The following RYR3 variants were observed in gnomAD, a reference collection of about 807,000 sequenced individuals.
RYR3 encodes the protein ryanodine receptor 3.
In RYR3, 207 loss-of-function variants were observed where a neutral mutation model predicts 584.3. The observed-to-expected ratio is 0.35, with a 90% CI of 0.32 to 0.40. The LOEUF is 0.40. Ranked by LOEUF, RYR3 falls within the 10% of genes least tolerant of loss-of-function variation. The pLI, the probability that RYR3 is intolerant of heterozygous loss-of-function variation, is 1.00. For missense variants in RYR3, 5,616 were observed against 6,089.2 expected (o/e 0.92, Z 2.59); for synonymous variants, 2,416 against 2,248.5 (o/e 1.07, Z -2.11).
At chr15:33,530,507 C>A in intron 3 of RYR3, 85 bp from the exon 4 acceptor site, 1 of 910,478 alleles carries the variant, frequency 1.1e-6, no homozygotes, top group Non-Finnish European at 1.8e-6. Flanking sequence ...TCCTGGTAGT[C>A]TGTCTCCCAG....
At chr15:33,525,302 TC>T (rs1277835033) in intron 3 of RYR3, among the ~76,000 whole-genome samples, 5 of 152,218 alleles carry the variant, frequency 3.3e-5, no homozygotes, top group African/African-American at 1.2e-4. Flanking sequence ...CACACTTTTC[TC>T]TTTGAATCAG....
intron 1 of RYR3, among the ~76,000 whole-genome samples, chr15:33,424,603 C>T (rs1439439460): frequency 6.6e-6 from 1 of 152,140 alleles, no homozygotes; most frequent in Non-Finnish European, 1.5e-5. Context: ...GATTGAGCCA[C>T]ATTTAAGGAA....
chr15:33,401,608 A>G (rs2042673452), intron 1 of RYR3, among the ~76,000 whole-genome samples: 3 of 152,210 alleles, frequency 2.0e-5, no homozygotes, highest in African/African-American at 2.4e-5. Context: ...ACAGATTACA[A>G]AACAGTATGT....
intron 20 of RYR3, 32 bp from the exon 21 acceptor site, chr15:33,628,439 T>C (rs1370147466): frequency 6.9e-7 from 1 of 1,458,916 alleles, no homozygotes; most frequent in East Asian, 2.3e-5. Context: ...TTCAAAACAA[T>C]CGATTCTTTT....
chr15:33,566,310 G>C (rs956951869), intron 11 of RYR3, among the ~76,000 whole-genome samples: 1 of 152,150 alleles, frequency 6.6e-6, no homozygotes, highest in Non-Finnish European at 1.5e-5. Context: ...GGAGGAAAAG[G>C]CTTTGAACAC....
At chr15:33,370,908 A>T (rs190612546) in intron 1 of RYR3, among the ~76,000 whole-genome samples, 224 of 152,334 alleles carry the variant, frequency 1.5e-3, no homozygotes, top group Middle Eastern at 3.4e-3. Flanking sequence ...TCCTAAGGAG[A>T]TATAGACACA....
At chr15:33,423,508 T>G (rs1384043704) in intron 1 of RYR3, among the ~76,000 whole-genome samples, 1 of 152,206 alleles carries the variant, frequency 6.6e-6, no homozygotes, top group Admixed American at 6.5e-5. Context: ...TACCTAGAAG[T>G]GGAGTTTCTG....
At position 33,801,957 on chromosome 15, in the gene RYR3, C is replaced by T. The variant is rs2075940667; in HGVS notation, c.10007C>T (p.Ser3336Leu). ...ACTGGAGACAGCAAAAGCAAGATGT[C>T]AAAAGTAAGTCCTTAGAAATCAATT... ...FLTGDSKSKM[S>L]KAMQVKSGGQ... The change falls in exon 69 of 104, where the codon TCA (serine) becomes TTA (leucine). Residue 3336 changes from serine (S) to leucine (L), a missense_variant. Ser to Leu is a moderately radical substitution (Grantham distance 145). Coordinates refer to ENST00000634891, the MANE Select transcript of RYR3 (RefSeq NM_001036.6). 6.4e-7 allele frequency: 1 copy of T among 1,562,746 alleles called. No individual in the cohort carries two copies. Among genetic ancestry groups the T allele is most frequent in the East Asian group, 2.2e-5 (1 of 44,522 alleles).
chr15:33,526,273 G>C (rs540784457), intron 3 of RYR3, among the ~76,000 whole-genome samples: 1 of 152,234 alleles, frequency 6.6e-6, no homozygotes, highest in African/African-American at 2.4e-5. Flanking sequence ...CGAGGATTGA[G>C]TTAATGAGCT....
chr15:33,848,612 G>A (rs1318015499), intron 94 of RYR3, among the ~76,000 whole-genome samples, 191 bp downstream of exon 94: 1 of 152,134 alleles, frequency 6.6e-6, no homozygotes, highest in Non-Finnish European at 1.5e-5. Flanking sequence ...TTAGTTTAAT[G>A]GGGACAGAAG....
chr15:33,763,530 G>C (rs969089575), intron 60 of RYR3, among the ~76,000 whole-genome samples: 1 of 152,126 alleles, frequency 6.6e-6, no homozygotes, highest in Non-Finnish European at 1.5e-5. Context: ...ATCATCACTG[G>C]TCATTAGAGA....
intron 89 of RYR3, 135 bp downstream of exon 89, chr15:33,839,093 C>T: frequency 9.1e-7 from 1 of 1,101,876 alleles, no homozygotes; most frequent in Non-Finnish European, 1.3e-6. Flanking sequence ...TGTGATTACG[C>T]TGATCTTATA....
At chr15:33,726,565 A>G in intron 46 of RYR3, 59 bp downstream of exon 46, 1 of 1,522,104 alleles carries the variant, frequency 6.6e-7, no homozygotes. Context: ...GGCTCGGGGC[A>G]GGACTCTGTC....
intron 1 of RYR3, among the ~76,000 whole-genome samples, chr15:33,332,224 C>T (rs1342633630): frequency 6.6e-6 from 1 of 151,980 alleles, no homozygotes; most frequent in Admixed American, 6.6e-5. Context: ...TAAACAAATT[C>T]ATAAATATTA....
intron 86 of RYR3, among the ~76,000 whole-genome samples, chr15:33,832,257 G>A (rs556992933): frequency 4.9e-4 from 73 of 149,554 alleles, no homozygotes; most frequent in Middle Eastern, 3.6e-3. Flanking sequence ...TCGCGCCGCC[G>A]CACTCCAACC....
At chr15:33,733,365 C>T (rs930208054) in intron 48 of RYR3, among the ~76,000 whole-genome samples, 7 of 151,810 alleles carry the variant, frequency 4.6e-5, no homozygotes, top group Non-Finnish European at 7.4e-5. Flanking sequence ...TCTGAGTGGG[C>T]GAATGGATAA....
chr15:33,463,968 G>A (rs2048243481), intron 1 of RYR3, among the ~76,000 whole-genome samples: 1 of 152,046 alleles, frequency 6.6e-6, no homozygotes, highest in South Asian at 2.1e-4. Context: ...GAATTCCCAG[G>A]TTTTTTGGGG....
intron 38 of RYR3, among the ~76,000 whole-genome samples, chr15:33,686,809 A>G (rs1442338811): frequency 1.3e-5 from 2 of 152,250 alleles, no homozygotes; most frequent in Non-Finnish European, 2.9e-5. Flanking sequence ...AAACAGAACC[A>G]AAGACAAAAA....
chr15:33,512,742 T>A (rs1033552415), intron 3 of RYR3, among the ~76,000 whole-genome samples: 3 of 152,218 alleles, frequency 2.0e-5, no homozygotes, highest in Admixed American at 1.3e-4. Context: ...GAGCTGCTTC[T>A]CCATGGCTGG....
Sources: allele counts gnomAD v4.1 joint callset (sites outside exome capture counted in the v4.1 genomes callset), GRCh38; gene constraint gnomAD v4.1.1; transcripts MANE v1.5; gene names NCBI Gene and HGNC (gene_info 2026-07-23, HGNC 2026-07-21).